PTPRN2: variants seen among roughly 807,000 people sequenced by gnomAD.
The protein encoded by PTPRN2 is receptor-type tyrosine-protein phosphatase N2.
Under a neutral mutation model 118.8 loss-of-function variants are expected in PTPRN2, and 74 were observed. That is an observed-to-expected ratio of 0.62 (90% CI 0.52 to 0.76). The LOEUF (loss-of-function observed/expected upper bound fraction) is 0.76. Among genes scored for constraint, PTPRN2 ranks in the 30% least tolerant of loss-of-function variants. PTPRN2 has a pLI of 0.00. For missense variants in PTPRN2, 1,481 were observed against 1,394.4 expected (o/e 1.06, Z -0.99); for synonymous variants, 641 against 608.0 (o/e 1.05, Z -0.80).
rs746827694 is a variant in PTPRN2 at position 158,167,177 on chromosome 7, C to T, written c.664G>A (p.Gly222Ser). 8.7e-6 allele frequency: 14 copies of T among 1,613,654 alleles called. No homozygotes were observed. Among genetic ancestry groups the T allele is most frequent in the East Asian group, 4.5e-5 (2 of 44,870 alleles). The change falls in exon 6 of 23, where the codon GGC becomes AGC. Residue 222 changes from glycine to serine, a missense_variant. Coordinates refer to ENST00000389418, the MANE Select transcript of PTPRN2 (RefSeq NM_002847.5). ...LREDLLPRTLGQLQPDELSPK... is the reference protein window; with the variant it reads ...LREDLLPRTLSQLQPDELSPK... The stretch of plus-strand genomic sequence containing the variant: ...CTGAGCTCATCTGGCTGGAGCTGGC[C>T]GAGGGTCCGCGGCAGGAGGTCCTCG...
chr7:157,687,090 A>C (rs1162108934), intron 12 of PTPRN2, among the ~76,000 whole-genome samples: 1 of 152,002 alleles, frequency 6.6e-6, no homozygotes, highest in African/African-American at 2.4e-5. Flanking sequence ...GAGCTGTCTT[A>C]GAACTTAGCA....
chr7:158,333,419 C>T lies in PTPRN2; in HGVS notation c.164-16487G>A, dbSNP rs1248858666. Among the ~76,000 whole-genome samples, 5 of 145,050 alleles carry T rather than the reference C, an allele frequency of 3.4e-5. 1 individual carries two copies. Among genetic ancestry groups the T allele is most frequent in the Admixed American group, 1.3e-4 (2 of 14,868 alleles). ...CCTGCAGACGTCACTCACACCCACACTGTCACCATAAGAGGTGACACCTGC... is the reference window on the plus strand; with the variant it reads ...CCTGCAGACGTCACTCACACCCACATTGTCACCATAAGAGGTGACACCTGC... On this transcript the variant is annotated intron_variant, in intron 2 of 22. Coordinates refer to ENST00000389418, the MANE Select transcript of PTPRN2 (RefSeq NM_002847.5).
At chr7:158,295,958 G>T (rs1415214343) in intron 3 of PTPRN2, among the ~76,000 whole-genome samples, 1 of 152,248 alleles carries the variant, frequency 6.6e-6, no homozygotes, top group South Asian at 2.1e-4. Flanking sequence ...GTCTGAGATG[G>T]TTGCTTAGTT....
At chr7:158,034,771 T>C (rs66489380) in intron 11 of PTPRN2, among the ~76,000 whole-genome samples, 24,278 of 152,066 alleles carry the variant, frequency 0.16, 2,061 homozygotes, top group African/African-American at 0.21. Flanking sequence ...CTGAGTCGAG[T>C]TGCATCGTAG....
chr7:157,703,028 C>T (rs143349732), intron 12 of PTPRN2, among the ~76,000 whole-genome samples: 5 of 152,226 alleles, frequency 3.3e-5, no homozygotes, highest in East Asian at 3.9e-4. Context: ...AAGGAAGTAT[C>T]GAAAGTTTGG....
chr7:157,774,726 G>A (rs1803089155), intron 12 of PTPRN2, among the ~76,000 whole-genome samples: 1 of 152,208 alleles, frequency 6.6e-6, no homozygotes, highest in Admixed American at 6.5e-5. Flanking sequence ...GTACAGCAGA[G>A]GGCACGCCCG....
intron 12 of PTPRN2, among the ~76,000 whole-genome samples, chr7:157,755,319 T>C (rs996632740): frequency 2.6e-5 from 4 of 152,248 alleles, no homozygotes; most frequent in African/African-American, 9.6e-5. Flanking sequence ...TGAGAAAATC[T>C]GTAATTCCAA....
rs1335338165 is a variant in PTPRN2, at chr7:157,622,041, T to A, written c.2197-532A>T. Among the ~76,000 whole-genome samples the A allele has an allele frequency of 2.0e-5, 3 of 152,144 alleles. No individual in the cohort carries two copies. Among genetic ancestry groups the A allele is most frequent in the Non-Finnish European group, 2.9e-5 (2 of 68,030 alleles). On this transcript the variant is annotated intron_variant, in intron 14 of 22. Coordinates refer to ENST00000389418, the MANE Select transcript of PTPRN2 (RefSeq NM_002847.5). The surrounding 1 kb of genome is among the most constrained non-coding windows in gnomAD (Gnocchi z 5.3). ...TTGGCTGTTTCGATCTTAATTTTTC[T>A]GGTGCTTGTCGTTGAGCATTACTAT...
At position 158,506,616 on chromosome 7, in the gene PTPRN2, A is replaced by G. The variant is rs376375784; in HGVS notation, c.113-16831T>C. Among the ~76,000 whole-genome samples, 101 of 152,004 alleles carry G rather than the reference A, an allele frequency of 6.6e-4. 1 individual carries two copies. The South Asian group carries it at 0.021, about 31-fold the overall frequency. ...CCCGGGGTCTACAGGAGCCCCATGA[A>G]CAGTGGACTTTTGGCCACCAAGGCA... is the stretch of plus-strand genomic sequence containing the variant. On this transcript the variant is annotated intron_variant, in intron 1 of 22. Coordinates refer to ENST00000389418, the MANE Select transcript of PTPRN2 (RefSeq NM_002847.5).
chr7:158,272,914 A>G (rs991520458), intron 3 of PTPRN2, among the ~76,000 whole-genome samples: 3 of 152,304 alleles, frequency 2.0e-5, no homozygotes, highest in Admixed American at 2.0e-4. Flanking sequence ...GTTGCCCCCC[A>G]GCCCGGTGCA....
At chr7:157,922,889 GA>G in intron 11 of PTPRN2, among the ~76,000 whole-genome samples, 1 of 152,346 alleles carries the variant, frequency 6.6e-6, no homozygotes, top group South Asian at 2.1e-4. Context: ...AGAGCAAAAT[GA>G]AAATATATAT....
intron 11 of PTPRN2, chr7:158,027,963 T>A (rs1168697515): frequency 6.6e-6 from 1 of 152,196 alleles, no homozygotes; most frequent in Non-Finnish European, 1.5e-5. Context: ...GTAAACAGCA[T>A]CAAAAGCCTT....
At chr7:158,373,242 A>G (rs913452470) in intron 2 of PTPRN2, among the ~76,000 whole-genome samples, 9 of 152,342 alleles carry the variant, frequency 5.9e-5, no homozygotes, top group African/African-American at 2.2e-4. Context: ...TAGAGTGCCA[A>G]ATGGATGCCT....
At chr7:157,770,363 T>G (rs1796259) in intron 12 of PTPRN2, among the ~76,000 whole-genome samples, 25,966 of 152,140 alleles carry the variant, frequency 0.17, 3,073 homozygotes, top group African/African-American at 0.31. Flanking sequence ...CTTAGCAGCA[T>G]CATGTGGAGA....
At chr7:158,497,633 AC>A (rs772480652) in intron 1 of PTPRN2, among the ~76,000 whole-genome samples, 58 of 152,340 alleles carry the variant, frequency 3.8e-4, no homozygotes, top group Non-Finnish European at 7.6e-4. Context: ...CATCCTGAGG[AC>A]TGCACGGTGG....
Position 157,953,418 on chromosome 7 carries a change from G to A in PTPRN2, c.1724-54681C>T, listed in dbSNP as rs1041277626. 1.3e-5 allele frequency among the ~76,000 whole-genome samples: 2 copies of A among 152,250 alleles called. No individual in the cohort carries two copies. The highest frequency in any genetic ancestry group is 2.9e-5 in the Non-Finnish European group (2 of 68,012). On this transcript the variant is annotated intron_variant, in intron 11 of 22. Transcript: ENST00000389418. This position sits in a 1 kb window ranked among gnomAD's most constrained non-coding sequence, Gnocchi z 4.6. ...GGCACTCCCCGGGCACAGAGGGAACGGCCTGGGTGGCATGGAGAGTGTCCT... is the reference window on the plus strand; with the variant it reads ...GGCACTCCCCGGGCACAGAGGGAACAGCCTGGGTGGCATGGAGAGTGTCCT...
In PTPRN2 at chr7:157,831,812, G is replaced by A. The variant is rs932740408; in HGVS notation, c.1788+66861C>T. 2.6e-5 allele frequency among the ~76,000 whole-genome samples: 4 copies of A among 152,220 alleles called. No individual in the cohort carries two copies. The highest frequency in any genetic ancestry group is 9.6e-5 in the African/African-American group (4 of 41,460). ...AAGCCTGGCCACGTTAGACCCTCAC[G>A]AGACGTCCCACGAATGGAACCCTAG... On this transcript the variant is annotated intron_variant, in intron 12 of 22. Transcript: ENST00000389418. The surrounding 1 kb of genome is among the most constrained non-coding windows in gnomAD (Gnocchi z 4.8).
At chr7:158,408,936 C>T (rs955264229) in intron 2 of PTPRN2, among the ~76,000 whole-genome samples, 1 of 151,066 alleles carries the variant, frequency 6.6e-6, no homozygotes, top group Non-Finnish European at 1.5e-5. Flanking sequence ...ATGACTTAAA[C>T]GATACAAAGT....
chr7:158,218,371 C>A (rs1165966681), intron 3 of PTPRN2, among the ~76,000 whole-genome samples: 2 of 152,078 alleles, frequency 1.3e-5, no homozygotes, highest in Admixed American at 6.5e-5. Context: ...GAAATAAAAT[C>A]ATTTTTAGAC....
Sources: gnomAD v4.1 joint callset for allele counts (sites outside exome capture counted in the v4.1 genomes callset) on GRCh38, gnomAD v4.1.1 for gene constraint, Gnocchi (gnomAD v3.1) non-coding constraint, MANE v1.5 for transcripts, NCBI Gene and HGNC (gene_info 2026-07-23, HGNC 2026-07-21) for gene names.